CSGALNACT1: variants seen among roughly 807,000 people sequenced by gnomAD.
CSGALNACT1 encodes beta4GalNAcT-1.
Under a neutral mutation model 51.0 loss-of-function variants are expected in CSGALNACT1, and 52 were observed. That is an observed-to-expected ratio of 1.02 (90% CI 0.82 to 1.29). The LOEUF is 1.29. Among genes scored for constraint, CSGALNACT1 ranks in the 50% most tolerant of loss-of-function variants. The pLI, the probability that CSGALNACT1 is intolerant of heterozygous loss-of-function variation, is 0.00. For missense variants in CSGALNACT1, 935 were observed against 679.2 expected, an observed-to-expected ratio of 1.38 and a Z score of -4.19; for synonymous variants, 341 against 254.4, an observed-to-expected ratio of 1.34 and a Z score of -3.24.
chr8:19,577,362 A>G (rs1245073733), intron 3 of CSGALNACT1, among the ~76,000 whole-genome samples: 1 of 150,708 alleles, frequency 6.6e-6, no homozygotes, highest in Admixed American at 6.6e-5. Flanking sequence ...CAGGGGTTTG[A>G]GAGCAGCACC....
At chr8:19,495,114 A>G (rs1437114439) in intron 4 of CSGALNACT1, 4 of 152,190 alleles carry the variant, frequency 2.6e-5, no homozygotes, top group Admixed American at 6.5e-5. Context: ...ACAGGTGGAG[A>G]GGGAGGAAGA....
intron 7 of CSGALNACT1, among the ~76,000 whole-genome samples, chr8:19,419,234 A>T (rs1194112661): frequency 6.6e-6 from 1 of 152,182 alleles, no homozygotes; most frequent in Non-Finnish European, 1.5e-5. Flanking sequence ...ATATCTGCAA[A>T]TATTTCTGAT....
chr8:19,577,028 A>C (rs1323635596), intron 3 of CSGALNACT1, among the ~76,000 whole-genome samples: 2 of 152,172 alleles, frequency 1.3e-5, no homozygotes, highest in East Asian at 1.9e-4. Flanking sequence ...AAAAGCATGG[A>C]AACATCCAAA....
intron 3 of CSGALNACT1, among the ~76,000 whole-genome samples, chr8:19,555,510 T>C (rs1245975837): frequency 6.6e-6 from 1 of 152,182 alleles, no homozygotes. Flanking sequence ...TCTGACCTAT[T>C]TGAAGCATAT....
rs199766187 is a variant in CSGALNACT1 at position 19,486,905 on chromosome 8, CCAA to C, written c.634+18293_634+18295del. Reference sequence around the variant, plus strand: ...ACAGTACCTGGCGCACAGTAGCTGCCCAACAACACTTGAAGAAAAGGTAACCAA... The same window carrying C: ...ACAGTACCTGGCGCACAGTAGCTGCCCAACACTTGAAGAAAAGGTAACCAA... On this transcript the variant is annotated intron_variant, in intron 4 of 9. Transcript: ENST00000454498. 5.4e-3 allele frequency among the ~76,000 whole-genome samples: 817 copies of C among 152,230 alleles called. 7 individuals carry two copies. The highest frequency in any genetic ancestry group is 0.018 in the African/African-American group (768 of 41,536).
At chr8:19,655,579 CAT>C (rs66802003) in intron 1 of CSGALNACT1, among the ~76,000 whole-genome samples, 262 of 111,876 alleles carry the variant, frequency 2.3e-3, no homozygotes, top group African/African-American at 7.9e-3. Context: ...CACACACACA[CAT>C]ATATATATAT....
chr8:19,690,632 A>G (rs914112345), intron 1 of CSGALNACT1, among the ~76,000 whole-genome samples: 1 of 152,250 alleles, frequency 6.6e-6, no homozygotes, highest in African/African-American at 2.4e-5. Flanking sequence ...TGATCATAAT[A>G]GAGCTGTTTA....
At chr8:19,517,667 G>C (rs1038440051) in intron 3 of CSGALNACT1, among the ~76,000 whole-genome samples, 1 of 152,104 alleles carries the variant, frequency 6.6e-6, no homozygotes, top group Non-Finnish European at 1.5e-5. Context: ...CGTCTTACAA[G>C]GCAGCACTCA....
At chr8:19,679,480 T>G (rs1233186563) in intron 1 of CSGALNACT1, among the ~76,000 whole-genome samples, 1 of 151,808 alleles carries the variant, frequency 6.6e-6, no homozygotes, top group African/African-American at 2.4e-5. Flanking sequence ...TAAAATAAAA[T>G]AAAACACAAA....
chr8:19,486,702 G>A (rs150837675), intron 4 of CSGALNACT1, among the ~76,000 whole-genome samples: 11 of 152,062 alleles, frequency 7.2e-5, no homozygotes, highest in East Asian at 5.8e-4. Flanking sequence ...TTGTATTATC[G>A]TCCACTGAAG....
chr8:19,415,238 C>T (rs1322840182), intron 8 of CSGALNACT1, among the ~76,000 whole-genome samples: 2 of 152,206 alleles, frequency 1.3e-5, no homozygotes, highest in Non-Finnish European at 2.9e-5. Context: ...TTCATTTCTT[C>T]TGACTTCTCC....
intron 1 of CSGALNACT1, among the ~76,000 whole-genome samples, chr8:19,661,905 C>A (rs1184700840): frequency 6.6e-6 from 1 of 152,108 alleles, no homozygotes; most frequent in Non-Finnish European, 1.5e-5. Context: ...TTATTTTGAC[C>A]AAGACTTCTC....
At chr8:19,750,698 C>T (rs2064975502) in intron 1 of CSGALNACT1, among the ~76,000 whole-genome samples, 1 of 152,194 alleles carries the variant, frequency 6.6e-6, no homozygotes, top group African/African-American at 2.4e-5. Context: ...ACCAAAGTCT[C>T]AAACCCTTCC....
chr8:19,704,032 T>C (rs2062024772), intron 1 of CSGALNACT1, among the ~76,000 whole-genome samples: 1 of 152,176 alleles, frequency 6.6e-6, no homozygotes, highest in Admixed American at 6.5e-5. Flanking sequence ...CCTAACACAC[T>C]ACACTGCACA....
At chr8:19,479,066 C>G (rs922453977) in intron 4 of CSGALNACT1, among the ~76,000 whole-genome samples, 1 of 152,162 alleles carries the variant, frequency 6.6e-6, no homozygotes, top group African/African-American at 2.4e-5. Flanking sequence ...GTTACATGGT[C>G]TTATTAATGA....
chr8:19,414,308 G>A (rs2056453761), intron 8 of CSGALNACT1, among the ~76,000 whole-genome samples: 1 of 152,144 alleles, frequency 6.6e-6, no homozygotes, highest in East Asian at 1.9e-4. Flanking sequence ...TCTAGGGGAG[G>A]GAAGGAGGCT....
At position 19,408,704 on chromosome 8, in the gene CSGALNACT1, A is replaced by C. The variant is rs200098550; in HGVS notation, c.1228-10T>G. The C allele has an allele frequency of 1.2e-6, 2 of 1,613,384 alleles. No homozygotes were observed. Among genetic ancestry groups the C allele is most frequent in the Admixed American group, 3.3e-5 (2 of 59,974 alleles). On this transcript the variant is annotated splice_polypyrimidine_tract_variant and intron_variant, in intron 8 of 9. Coordinates refer to ENST00000454498, the Ensembl canonical transcript of CSGALNACT1. ...TTTCCTTCTTTATGACCTGCAAGAA[A>C]AGCACTGTCATTTGAGGGGAAAGTT... is the stretch of plus-strand genomic sequence containing the variant.
At chr8:19,577,694 T>C (rs549332125) in intron 3 of CSGALNACT1, among the ~76,000 whole-genome samples, 3 of 152,008 alleles carry the variant, frequency 2.0e-5, no homozygotes, top group Admixed American at 6.5e-5. Flanking sequence ...CACACTCCCA[T>C]TGGGTTTAAA....
At chr8:19,716,196 CT>C (rs377262018) in intron 1 of CSGALNACT1, among the ~76,000 whole-genome samples, 166 of 152,148 alleles carry the variant, frequency 1.1e-3, no homozygotes, top group East Asian at 5.6e-3. Flanking sequence ...CAAAATAAAG[CT>C]TTTGTCTTCT....
Sources: gnomAD v4.1 joint callset for allele counts (sites outside exome capture counted in the v4.1 genomes callset) on GRCh38, gnomAD v4.1.1 for gene constraint, MANE v1.5 for transcripts, NCBI Gene and HGNC (gene_info 2026-07-23, HGNC 2026-07-21) for gene names.